Variants in PCID2 observed in about 807,000 individuals in gnomAD.
PCID2 encodes PCI domain containing 2, also known as PCI domain-containing protein 2.
In PCID2, 41 loss-of-function variants were observed where a neutral mutation model predicts 61.3. The ratio of observed to expected loss-of-function variants is 0.67; its 90% CI spans 0.52 to 0.87. The LOEUF is 0.87. Among genes scored for constraint, PCID2 ranks in the 40% least tolerant of loss-of-function variants. The pLI is 0.00. For missense variants in PCID2, 392 were observed against 493.4 expected (o/e 0.79, Z 1.95); for synonymous variants, 187 against 177.8 (o/e 1.05, Z -0.41).
intron 9 of PCID2, among the ~76,000 whole-genome samples, chr13:113,182,363 C>G (rs1024307839): frequency 5.9e-5 from 9 of 152,166 alleles, no homozygotes; most frequent in African/African-American, 2.2e-4. Flanking sequence ...GGGCTGAGAC[C>G]AAAGAACAAG....
At chr13:113,171,556 T>C in the PCID2 span, 4 of 1,613,310 alleles carry the variant, frequency 2.5e-6, no homozygotes, top group South Asian at 2.2e-5. The surrounding 1 kb of genome is among the most constrained non-coding windows in gnomAD (Gnocchi z 5.1). Context: ...CCCTTGAAAA[T>C]CAGACTGTAA....
Position 113,197,224 on chromosome 13 carries a change from T to G in PCID2, c.220A>C (p.Asn74His). 1 of 1,613,096 alleles carries G rather than the reference T, an allele frequency of 6.2e-7. No individual in the cohort carries two copies. The highest frequency in any genetic ancestry group is 8.5e-7 in the Non-Finnish European group (1 of 1,179,088). The change falls in exon 4 of 14, where the codon AAT (asparagine) becomes CAT (histidine). Residue 74 changes from asparagine (N) to histidine (H), a missense_variant. Transcript: ENST00000337344. ...AHLRCTYAVG[N>H]HDFIEAYKCQ... ...TTGTATGCCTCTATGAAGTCATGAT[T>G]CCCCACTGCATAAGTGCACCTGGAG...
chr13:113,196,615 A>G (rs191806605), intron 4 of PCID2, among the ~76,000 whole-genome samples: 1 of 152,368 alleles, frequency 6.6e-6, no homozygotes, highest in Admixed American at 6.5e-5. Context: ...GGAGGCTGTG[A>G]GCAAATAGCC....
chr13:113,202,980 C>T (rs1462920777), intron 1 of PCID2, among the ~76,000 whole-genome samples: 2 of 152,172 alleles, frequency 1.3e-5, no homozygotes, highest in African/African-American at 2.4e-5. Context: ...GACAAAAAGA[C>T]TGCCAAAAAC....
In PCID2 at chr13:113,190,863, C is replaced by T. The variant is rs766699089; in HGVS notation, c.467+9G>A. The T allele has an allele frequency of 1.9e-6, 3 of 1,585,178 alleles. No individual in the cohort carries two copies. Among genetic ancestry groups the T allele is most frequent in the Non-Finnish European group, 2.6e-6 (3 of 1,156,328 alleles). On this transcript the variant is annotated intron_variant, in intron 7 of 13. Transcript: ENST00000337344. ...GCGTCTGGTGGTCGGTCCTCAAGTC[C>T]TTACTCACGTGTCGCTGGCACAGAC...
At chr13:113,172,909 G>A (rs2037140909), downstream of PCID2, among the ~76,000 whole-genome samples, 1 of 152,220 alleles carries the variant, frequency 6.6e-6, no homozygotes, top group African/African-American at 2.4e-5. Context: ...GCAACGCCCA[G>A]CACTGTTGTG....
At chr13:113,168,202 T>C in the PCID2 span, among the ~76,000 whole-genome samples, 1 of 152,244 alleles carries the variant, frequency 6.6e-6, no homozygotes, top group Non-Finnish European at 1.5e-5. Context: ...AAACCTTACA[T>C]ATATAGTGGA....
In PCID2 at chr13:113,198,282, A is replaced by G. The variant is rs1022533557; in HGVS notation, c.127-18T>C. Reference sequence around the variant, plus strand: ...GAGGCCATCTGATTTTAAAAAAGAAAAATAGCAAAAGTAAAATTAATAGGC... The same window carrying G: ...GAGGCCATCTGATTTTAAAAAAGAAGAATAGCAAAAGTAAAATTAATAGGC... On this transcript the variant is annotated intron_variant, in intron 2 of 13. Coordinates refer to ENST00000337344, the MANE Select transcript of PCID2 (RefSeq NM_001127202.4). 26 of 1,520,268 alleles carry G rather than the reference A, an allele frequency of 1.7e-5. No individual in the cohort carries two copies. Among genetic ancestry groups the G allele is most frequent in the Middle Eastern group, 3.4e-4 (2 of 5,852 alleles). 94.2% of individuals were successfully genotyped at this position (1,520,268 alleles called of 1,614,324 possible). A position where few individuals can be genotyped will look rare whatever the true frequency, so the allele number is the denominator to read the frequency against.
downstream of PCID2, among the ~76,000 whole-genome samples, chr13:113,175,603 C>T (rs1334740012): frequency 6.6e-6 from 1 of 152,196 alleles, no homozygotes; most frequent in African/African-American, 2.4e-5. Flanking sequence ...CCAAAGCCTC[C>T]GCCGGCATGA....
At position 113,179,838 on chromosome 13, in the gene PCID2, T is replaced by C. The variant is rs570844384; in HGVS notation, c.986+79A>G. 73 of 1,459,350 alleles carry C rather than the reference T, an allele frequency of 5.0e-5. No individual in the cohort carries two copies. Among genetic ancestry groups the C allele is most frequent in the Non-Finnish European group, 6.8e-5 (73 of 1,067,930 alleles). 90.4% of individuals were successfully genotyped at this position (1,459,350 alleles called of 1,614,324 possible). On this transcript the variant is annotated intron_variant, in intron 12 of 13. Transcript: ENST00000337344. This position sits in a 1 kb window ranked among gnomAD's most constrained non-coding sequence, Gnocchi z 4.3. ...CCACCCACACGGTGGCCTTCTCTCT[T>C]AGACTGCAACAGCCCTGGATGTCTG... is the stretch of plus-strand genomic sequence containing the variant.
rs750357944 is a variant in PCID2, at chr13:113,180,226, G to A, written c.792C>T (p.His264=). 9.9e-6 allele frequency: 16 copies of A among 1,611,350 alleles called. No individual in the cohort carries two copies. The highest frequency in any genetic ancestry group is 2.5e-6 in the Non-Finnish European group (3 of 1,177,640). ...YLLPVKMLLG[H]MPTVELLKKY... ...TTTTCAGGAGCTCCACAGTGGGCAT[G>A]TGACCCTAAGAGTCAATTTTCCAGA... The change falls in exon 11 of 14, where the codon CAC becomes CAT. Residue 264 remains histidine (H), a synonymous_variant. Coordinates refer to ENST00000337344, the MANE Select transcript of PCID2 (RefSeq NM_001127202.4).
At chr13:113,183,549 G>A (rs2037833127) in intron 9 of PCID2, among the ~76,000 whole-genome samples, 2 of 152,136 alleles carry the variant, frequency 1.3e-5, no homozygotes, top group African/African-American at 4.8e-5. Flanking sequence ...GAAAGGAAAT[G>A]GTCTATACAA....
intron 6 of PCID2, among the ~76,000 whole-genome samples, chr13:113,194,178 G>A (rs565868923): frequency 1.2e-3 from 182 of 152,278 alleles, no homozygotes; most frequent in African/African-American, 4.2e-3. Flanking sequence ...GCCACCCCCA[G>A]TCCGCACCAC....
Position 113,185,424 on chromosome 13 carries a change from T to C in PCID2, c.543+61A>G. 5 of 1,110,762 alleles carry C rather than the reference T, an allele frequency of 4.5e-6. No homozygotes were observed. In the South Asian group the frequency reaches 6.2e-5, roughly 14 times the overall value. The allele number at this position is 1,110,762 out of a possible 1,614,324, so 68.8% of individuals were successfully genotyped here. A position where few individuals can be genotyped will look rare whatever the true frequency, so the allele number is the denominator to read the frequency against. On this transcript the variant is annotated intron_variant, in intron 8 of 13. Coordinates refer to ENST00000337344, the MANE Select transcript of PCID2 (RefSeq NM_001127202.4). ...GAGGCTAGCTGATATATATATGATA[T>C]GTGGGAAGCCCAGGACAATCGAAAA...
At chr13:113,187,448 G>A (rs914378581) in intron 7 of PCID2, 4 of 152,182 alleles carry the variant, frequency 2.6e-5, no homozygotes, top group South Asian at 2.1e-4. Flanking sequence ...CGATGTGTAC[G>A]AGGCTCCAGT....
the PCID2 span, among the ~76,000 whole-genome samples, chr13:113,168,170 G>A: frequency 5.2e-4 from 79 of 152,318 alleles, no homozygotes; most frequent in African/African-American, 1.8e-3. Flanking sequence ...ATCCTGTAAA[G>A]AAGTTTAAAG....
intron 7 of PCID2, chr13:113,190,572 C>T (rs767960150): frequency 4.4e-5 from 11 of 251,458 alleles, no homozygotes; most frequent in South Asian, 3.0e-4. Context: ...CCTCACCAAA[C>T]GCAAATGTGG....
In PCID2 at chr13:113,198,269, T is replaced by C. The variant is rs761009004; in HGVS notation, c.127-5A>G. 4.4e-6 allele frequency: 7 copies of C among 1,584,448 alleles called. No individual in the cohort carries two copies. The highest frequency in any genetic ancestry group is 1.7e-6 in the Non-Finnish European group (2 of 1,165,274). On this transcript the variant is annotated splice_region_variant and splice_polypyrimidine_tract_variant and intron_variant, in intron 2 of 13. Coordinates refer to ENST00000337344, the MANE Select transcript of PCID2 (RefSeq NM_001127202.4). ...CTTCTCCTCTGGAGAGGCCATCTGATTTTAAAAAAGAAAAATAGCAAAAGT... is the reference window on the plus strand; with the variant it reads ...CTTCTCCTCTGGAGAGGCCATCTGACTTTAAAAAAGAAAAATAGCAAAAGT...
At chr13:113,180,878 C>G (rs1464148801) in intron 10 of PCID2, among the ~76,000 whole-genome samples, 1 of 152,120 alleles carries the variant, frequency 6.6e-6, no homozygotes, top group Non-Finnish European at 1.5e-5. Flanking sequence ...GAACGTTAAA[C>G]TCTTGAGTTA....
Sources: allele counts gnomAD v4.1 joint callset (sites outside exome capture counted in the v4.1 genomes callset), GRCh38; gene constraint gnomAD v4.1.1; non-coding constraint Gnocchi (gnomAD v3.1); transcripts MANE v1.5; gene names NCBI Gene and HGNC (gene_info 2026-07-23, HGNC 2026-07-21).